Variants in CD200R1 observed in about 807,000 individuals in gnomAD.
The protein encoded by CD200R1 is CD200 receptor 1.
CD200R1 carries 30 observed loss-of-function variants against 38.1 expected under a neutral mutation model. The ratio of observed to expected loss-of-function variants is 0.79; its 90% confidence interval spans 0.59 to 1.07. The LOEUF (loss-of-function observed/expected upper bound fraction) is 1.07. CD200R1 is among the 50% of genes least tolerant of loss of function. The probability of loss-of-function intolerance (pLI) is 0.00; values close to 1 mark genes in which losing one functional copy is unlikely to be tolerated. For synonymous variants in CD200R1, 128 were observed against 152.1 expected (o/e 0.84, Z 1.16); for missense variants, 372 against 415.4 (o/e 0.90, Z 0.91).
At chr3:112,956,958 G>T (rs1021191654) in intron 1 of CD200R1, among the ~76,000 whole-genome samples, 2 of 152,190 alleles carry the variant, frequency 1.3e-5, no homozygotes, top group African/African-American at 4.8e-5. Context: ...CCCACCTCGT[G>T]CTGGGGTGAG....
At chr3:112,925,476 TG>T (rs1230082776) in intron 5 of CD200R1, among the ~76,000 whole-genome samples, 1 of 152,114 alleles carries the variant, frequency 6.6e-6, no homozygotes, top group Non-Finnish European at 1.5e-5. Context: ...AGGAGGATTG[TG>T]TAGGACAATA....
intron 2 of CD200R1, among the ~76,000 whole-genome samples, chr3:112,939,852 G>T (rs115835840): frequency 0.053 from 5,961 of 112,306 alleles, 180 homozygotes; most frequent in African/African-American, 0.1. Context: ...CCCATACTGA[G>T]CAAAAAACAA....
In CD200R1 at chr3:112,947,816, C is replaced by T. The variant is rs372861188; in HGVS notation, c.136+40G>A. 4.5e-6 allele frequency: 6 copies of T among 1,323,100 alleles called. No individual in the cohort carries two copies. The African/African-American group carries it at 7.2e-5, about 16-fold the overall frequency. The allele number at this position is 1,323,100 out of a possible 1,614,324, so 82.0% of individuals were successfully genotyped here. On this transcript the variant is annotated intron_variant, in intron 2 of 7. Coordinates refer to ENST00000308611, the MANE Select transcript of CD200R1 (RefSeq NM_138806.4). ...ATGTAAAACCTATATGGACATCAAG[C>T]ACTCCCCTACTAGAATTATTGTTAA...
chr3:112,965,001 T>C (rs1933120602), intron 1 of CD200R1, among the ~76,000 whole-genome samples: 1 of 152,216 alleles, frequency 6.6e-6, no homozygotes, highest in African/African-American at 2.4e-5. Context: ...ATGTGAGATG[T>C]GCCTTTCACC....
At chr3:112,925,640 A>C (rs943718733) in intron 5 of CD200R1, among the ~76,000 whole-genome samples, 3 of 152,134 alleles carry the variant, frequency 2.0e-5, no homozygotes, top group Non-Finnish European at 4.4e-5. Context: ...GTTCTAATAA[A>C]TGTAACACTC....
At chr3:112,924,429 G>C (rs1940237187) in intron 7 of CD200R1, 61 bp downstream of exon 7, 8 of 1,203,878 alleles carry the variant, frequency 6.6e-6, no homozygotes, top group Non-Finnish European at 8.6e-6. Context: ...TACAAATTAT[G>C]TTGCTAGATT....
chr3:112,928,980 G>A lies in CD200R1; in HGVS notation c.605C>T (p.Ser202Phe). ...GGCACAATCGCCCTCTGGGATCCAGGAGATATGCGCAGCTGGCTTCCCTGC... is the reference window on the plus strand; with the variant it reads ...GGCACAATCGCCCTCTGGGATCCAGAAGATATGCGCAGCTGGCTTCCCTGC... The part of the protein sequence containing the change: ...AVAGKPAAHI[S>F]WIPEGDCATK... Residue 202 changes from serine to phenylalanine, a missense_variant, in exon 5 of 8, where the codon TCC becomes TTC. Transcript: ENST00000308611. 1 of 1,613,994 alleles carries A rather than the reference G, an allele frequency of 6.2e-7. No individual in the cohort carries two copies. The highest frequency in any genetic ancestry group is 8.5e-7 in the Non-Finnish European group (1 of 1,180,012).
chr3:112,964,227 A>T (rs1238075407), intron 1 of CD200R1, among the ~76,000 whole-genome samples: 1 of 152,194 alleles, frequency 6.6e-6, no homozygotes, highest in Non-Finnish European at 1.5e-5. Flanking sequence ...CCCCACACAG[A>T]GTCCCTACTG....
At chr3:112,963,590 A>C (rs1298571313) in intron 1 of CD200R1, among the ~76,000 whole-genome samples, 1 of 152,236 alleles carries the variant, frequency 6.6e-6, no homozygotes, top group Non-Finnish European at 1.5e-5. Flanking sequence ...ATCTGGTAGA[A>C]GAAATTTCTA....
intron 2 of CD200R1, among the ~76,000 whole-genome samples, chr3:112,934,752 C>T (rs892985939): frequency 6.6e-6 from 1 of 152,082 alleles, no homozygotes; most frequent in African/African-American, 2.4e-5. Context: ...ATTGCTTGAA[C>T]CGGGGAAGCA....
intron 5 of CD200R1, 97 bp downstream of exon 5, chr3:112,928,719 G>T: frequency 1.1e-6 from 1 of 898,686 alleles, no homozygotes; most frequent in Non-Finnish European, 1.7e-6. Context: ...AGTGGGGAGA[G>T]CATCCTCGAA....
At position 112,947,878 on chromosome 3, in the gene CD200R1, A is replaced by C; in HGVS notation, c.114T>G (p.Thr38=). The C allele has an allele frequency of 6.2e-7, 1 of 1,612,728 alleles. No individual in the cohort carries two copies. Among genetic ancestry groups the C allele is most frequent in the Non-Finnish European group, 8.5e-7 (1 of 1,178,718 alleles). ...TACCTAAAGCATGATTCTCCTTGCTAGTTTGCAGCATTAATGAGTTGTTTG... is the reference window on the plus strand; with the variant it reads ...TACCTAAAGCATGATTCTCCTTGCTCGTTTGCAGCATTAATGAGTTGTTTG... ...AQPNNSLMLQ[T]SKENHALASS... Residue 38 remains threonine (T), a synonymous_variant, in exon 2 of 8, where the codon ACT becomes ACG. Coordinates refer to ENST00000308611, the MANE Select transcript of CD200R1 (RefSeq NM_138806.4).
rs1481827808 is a variant in CD200R1 at position 112,921,328 on chromosome 3, CTTAAATATA to C, written c.*2340_*2348del. ...TGTGCAAAATTTAACAAACTGTACA[CTTAAATATA>C]TCAATTATATCTCAGTAAAGCCGTT... On this transcript the variant is annotated 3_prime_UTR_variant, in exon 8 of 8. Coordinates refer to ENST00000308611, the MANE Select transcript of CD200R1 (RefSeq NM_138806.4). The C allele has an allele frequency of 6.6e-6, 1 of 151,964 alleles. No homozygotes were observed. The highest frequency in any genetic ancestry group is 2.4e-5 in the African/African-American group (1 of 41,406). 9.4% of individuals were successfully genotyped at this position (151,964 alleles called of 1,614,324 possible). A position where few individuals can be genotyped will look rare whatever the true frequency, so the allele number is the denominator to read the frequency against.
At chr3:112,946,410 A>C (rs1201824205) in intron 2 of CD200R1, among the ~76,000 whole-genome samples, 3 of 152,226 alleles carry the variant, frequency 2.0e-5, no homozygotes, top group Non-Finnish European at 4.4e-5. Flanking sequence ...TTTTCAAAAG[A>C]CATATCCGAT....
rs373903615 is a variant in CD200R1, at chr3:112,955,225, T to A, written c.68-7301A>T. Among the ~76,000 whole-genome samples, 174 of 152,294 alleles carry A rather than the reference T, an allele frequency of 1.1e-3. 4 individuals are homozygous for A. The South Asian group carries it at 0.033, about 29-fold the overall frequency. On this transcript the variant is annotated intron_variant, in intron 1 of 7. Coordinates refer to ENST00000308611, the MANE Select transcript of CD200R1 (RefSeq NM_138806.4). ...TGAATTCTGTAGCTGAAGGATGGAATGTTCTGTGTATGTCTGGTAGGCCCG... is the reference window on the plus strand; with the variant it reads ...TGAATTCTGTAGCTGAAGGATGGAAAGTTCTGTGTATGTCTGGTAGGCCCG...
At chr3:112,959,824 A>G (rs193170716) in intron 1 of CD200R1, among the ~76,000 whole-genome samples, 1 of 152,062 alleles carries the variant, frequency 6.6e-6, no homozygotes, top group Non-Finnish European at 1.5e-5. Context: ...TGCATGGATT[A>G]AGCATTAAAC....
chr3:112,971,120 T>G (rs1933300067), intron 1 of CD200R1, among the ~76,000 whole-genome samples: 1 of 152,186 alleles, frequency 6.6e-6, no homozygotes, highest in African/African-American at 2.4e-5. Flanking sequence ...CCCCCAGAGA[T>G]GGCAAAATTC....
At chr3:112,955,787 T>C (rs1355793749) in intron 1 of CD200R1, among the ~76,000 whole-genome samples, 1 of 151,020 alleles carries the variant, frequency 6.6e-6, no homozygotes, top group Non-Finnish European at 1.5e-5. Flanking sequence ...GGTAGGGTTT[T>C]TCATTTTTTT....
intron 1 of CD200R1, among the ~76,000 whole-genome samples, chr3:112,954,728 G>A (rs1941049863): frequency 6.6e-6 from 1 of 152,138 alleles, no homozygotes; most frequent in Non-Finnish European, 1.5e-5. Flanking sequence ...AAGAGCATGG[G>A]AATTCTGCAC....
Sources: allele counts gnomAD v4.1 joint callset (sites outside exome capture counted in the v4.1 genomes callset), GRCh38; gene constraint gnomAD v4.1.1; transcripts MANE v1.5; gene names NCBI Gene and HGNC (gene_info 2026-07-23, HGNC 2026-07-21).